Variants in PDE4D observed in about 807,000 individuals in gnomAD.
The protein encoded by PDE4D is 3',5'-cyclic-AMP phosphodiesterase 4D.
PDE4D carries 24 observed loss-of-function variants against 87.4 expected under a neutral mutation model. The ratio of observed to expected loss-of-function variants is 0.27; its 90% CI spans 0.20 to 0.39. PDE4D has a LOEUF of 0.39. PDE4D is among the 10% of genes least tolerant of loss of function. The probability of loss-of-function intolerance (pLI) is 1.00; values close to 1 mark genes in which losing one functional copy is unlikely to be tolerated. For synonymous variants in PDE4D, 384 were observed against 383.2 expected, an observed-to-expected ratio of 1.00 and a Z score of -0.02; for missense variants, 714 against 1,041.0, an observed-to-expected ratio of 0.69 and a Z score of 4.32.
At chr5:59,444,629 G>A (rs1798093992) in intron 1 of PDE4D, among the ~76,000 whole-genome samples, 1 of 152,036 alleles carries the variant, frequency 6.6e-6, no homozygotes, top group Non-Finnish European at 1.5e-5. Flanking sequence ...TGGCTAACAC[G>A]GTGAAACCCC....
intron 3 of PDE4D, among the ~76,000 whole-genome samples, chr5:59,957,098 C>T (rs923196266): frequency 2.0e-5 from 3 of 152,206 alleles, no homozygotes; most frequent in African/African-American, 7.2e-5. Flanking sequence ...AACATCCCTA[C>T]TTAAGAAACC....
rs1308675282 is a variant in PDE4D at position 59,480,067 on chromosome 5, AT to A, written c.456-264100del. On this transcript the variant is annotated intron_variant, in intron 1 of 14. Transcript: ENST00000340635. ...CTTGGTCTCCCAACTTACAGGAGAC[AT>A]TTTTTGGAGGTTGTATTTTTAATTT... Among the ~76,000 whole-genome samples, 6 of 152,060 alleles carry A rather than the reference AT, an allele frequency of 3.9e-5. No individual in the cohort carries two copies. The East Asian group carries it at 1.2e-3, about 29-fold the overall frequency.
intron 11 of PDE4D, among the ~76,000 whole-genome samples, chr5:58,985,824 C>T (rs544453120): frequency 1.3e-5 from 2 of 152,298 alleles, no homozygotes; most frequent in African/African-American, 2.4e-5. Context: ...AAATATTTCA[C>T]GAAGCTACAT....
chr5:59,753,598 G>T (rs1454640063), intron 1 of PDE4D, among the ~76,000 whole-genome samples: 1 of 152,132 alleles, frequency 6.6e-6, no homozygotes, highest in Non-Finnish European at 1.5e-5. Context: ...GACACTTGTG[G>T]TGCAGGGAAC....
chr5:60,430,589 G>C (rs1744159870), intron 1 of PDE4D: 1 of 203,826 alleles, frequency 4.9e-6, no homozygotes, highest in African/African-American at 2.5e-5. Flanking sequence ...GTTTCTCGCA[G>C]AGGGGGATTT....
chr5:59,111,284 G>A (rs557605399), intron 5 of PDE4D, among the ~76,000 whole-genome samples: 28 of 152,266 alleles, frequency 1.8e-4, no homozygotes, highest in African/African-American at 5.1e-4. Flanking sequence ...ACTGGGGATA[G>A]TTCCTGCAGA....
intron 1 of PDE4D, among the ~76,000 whole-genome samples, chr5:59,732,650 T>C (rs1301629368): frequency 6.6e-6 from 1 of 151,942 alleles, no homozygotes; most frequent in Admixed American, 6.6e-5. Context: ...CCTTATTAAA[T>C]GGAAATGATC....
intron 3 of PDE4D, among the ~76,000 whole-genome samples, chr5:59,192,679 G>A (rs1172300044): frequency 6.6e-6 from 1 of 152,190 alleles, no homozygotes; most frequent in Non-Finnish European, 1.5e-5. Context: ...ACTCATCAGT[G>A]TTGGTTTTAA....
intron 1 of PDE4D, among the ~76,000 whole-genome samples, chr5:59,298,168 G>A (rs1769468848): frequency 6.8e-6 from 1 of 146,336 alleles, no homozygotes. Flanking sequence ...CTAGGTTGGA[G>A]TGCAGTGGGA....
intron 1 of PDE4D, among the ~76,000 whole-genome samples, chr5:60,322,005 C>T (rs529614247): frequency 7.2e-5 from 11 of 151,838 alleles, no homozygotes; most frequent in East Asian, 3.9e-4. Context: ...GTAATTTCTC[C>T]GAGAAATTAA....
chr5:60,266,808 T>C (rs909628803), intron 1 of PDE4D, among the ~76,000 whole-genome samples: 2 of 152,232 alleles, frequency 1.3e-5, no homozygotes, highest in Admixed American at 6.5e-5. Context: ...AAATAGAATG[T>C]CAGTAGACAC....
At chr5:59,374,735 C>T (rs555260893) in intron 1 of PDE4D, among the ~76,000 whole-genome samples, 2 of 152,276 alleles carry the variant, frequency 1.3e-5, no homozygotes, top group South Asian at 4.2e-4. Context: ...CTTCTCATTG[C>T]CACATGCCAC....
chr5:59,939,864 T>A (rs1756998956), intron 3 of PDE4D, among the ~76,000 whole-genome samples: 1 of 152,086 alleles, frequency 6.6e-6, no homozygotes, highest in South Asian at 2.1e-4. Context: ...AGAAAGAGGG[T>A]ATCATCACAC....
At chr5:60,093,459 C>T (rs191868341) in intron 2 of PDE4D, among the ~76,000 whole-genome samples, 193 of 152,238 alleles carry the variant, frequency 1.3e-3, no homozygotes, top group African/African-American at 4.4e-3. Context: ...TACCAGTTTT[C>T]ATATCAGGGC....
At chr5:59,294,956 T>C (rs1161799126) in intron 1 of PDE4D, among the ~76,000 whole-genome samples, 1 of 152,214 alleles carries the variant, frequency 6.6e-6, no homozygotes, top group Non-Finnish European at 1.5e-5. Context: ...TTGTCTCTTC[T>C]GGATGCTTTC....
intron 1 of PDE4D, among the ~76,000 whole-genome samples, chr5:59,619,407 G>T (rs746594913): frequency 1.3e-5 from 2 of 152,194 alleles, no homozygotes; most frequent in African/African-American, 2.4e-5. Context: ...GCATGGATGT[G>T]AAGAAGACCA....
At chr5:59,599,348 A>C (rs1827163891) in intron 1 of PDE4D, among the ~76,000 whole-genome samples, 1 of 151,426 alleles carries the variant, frequency 6.6e-6, no homozygotes, top group African/African-American at 2.4e-5. Flanking sequence ...TAGCCTCCCA[A>C]AGAGCTGGGA....
chr5:59,055,462 C>G (rs1423867832), intron 5 of PDE4D, among the ~76,000 whole-genome samples: 2 of 152,184 alleles, frequency 1.3e-5, no homozygotes, highest in Admixed American at 6.5e-5. Context: ...CATTATTCCC[C>G]TGTGGTTGAC....
Position 59,469,849 on chromosome 5 carries a change from C to T in PDE4D, c.456-253881G>A, listed in dbSNP as rs929040776. On this transcript the variant is annotated intron_variant, in intron 1 of 14. Transcript: ENST00000340635. ...CCTGATCTGGTGCTGGCTGGGCAAA[C>T]CAACGCTAAAGGCAGAAGCACAAAA... 3.3e-5 allele frequency among the ~76,000 whole-genome samples: 5 copies of T among 152,130 alleles called. No homozygotes were observed. In the South Asian group the frequency reaches 6.2e-4, roughly 19 times the overall value.
Sources: gnomAD v4.1 joint callset for allele counts (sites outside exome capture counted in the v4.1 genomes callset) on GRCh38, gnomAD v4.1.1 for gene constraint, MANE v1.5 for transcripts, NCBI Gene and HGNC (gene_info 2026-07-23, HGNC 2026-07-21) for gene names.